DGKB: variants seen among roughly 807,000 people sequenced by gnomAD.
The protein encoded by DGKB is 90 kDa diacylglycerol kinase.
DGKB carries 67 observed loss-of-function variants against 114.3 expected under a neutral mutation model. The observed-to-expected ratio is 0.59, with a 90% confidence interval of 0.48 to 0.72. The LOEUF is 0.72. Among genes scored for constraint, DGKB ranks in the 30% least tolerant of loss-of-function variants. The probability of loss-of-function intolerance (pLI) is 0.00; values close to 1 mark genes in which losing one functional copy is unlikely to be tolerated. For missense variants in DGKB, 907 were observed against 975.2 expected, an observed-to-expected ratio of 0.93 and a Z score of 0.93; for synonymous variants, 398 against 323.1, an observed-to-expected ratio of 1.23 and a Z score of -2.49.
intron 2 of DGKB, among the ~76,000 whole-genome samples, chr7:14,767,905 C>T (rs1305945571): frequency 1.3e-5 from 2 of 151,936 alleles, no homozygotes; most frequent in African/African-American, 4.8e-5. Flanking sequence ...ACCAAACATT[C>T]TGGCAACAAT....
chr7:14,720,377 T>C (rs1457200047), intron 5 of DGKB, among the ~76,000 whole-genome samples: 1 of 152,064 alleles, frequency 6.6e-6, no homozygotes, highest in Non-Finnish European at 1.5e-5. Context: ...CGATCTTGGC[T>C]CACTGCAACC....
At chr7:14,901,605 A>AACCCCCCCCCCCCCCCCCCCCCCCCCCCC (rs1562855781) in intron 1 of DGKB, among the ~76,000 whole-genome samples, 2 of 123,094 alleles carry the variant, frequency 1.6e-5, no homozygotes, top group African/African-American at 6.1e-5. Context: ...AGGGATTTCC[A>AACCCCCCCCCCCCCCCCCCCCCCCCCCCC]CCCCCCCCCA....
chr7:14,704,011 T>C (rs1457589915), intron 6 of DGKB, among the ~76,000 whole-genome samples: 1 of 151,872 alleles, frequency 6.6e-6, no homozygotes, highest in Admixed American at 6.6e-5. Flanking sequence ...AATCGAAAAA[T>C]AGAATTCTTA....
chr7:14,552,858 CA>C (rs1795297548), intron 20 of DGKB, among the ~76,000 whole-genome samples: 2 of 152,136 alleles, frequency 1.3e-5, no homozygotes, highest in Non-Finnish European at 2.9e-5. Flanking sequence ...CTCAAAGCCA[CA>C]AGGACAAGAA....
intron 1 of DGKB, among the ~76,000 whole-genome samples, chr7:14,852,487 C>CAAAAAAAAACAAAACAAAACA (rs1554304221): frequency 9.4e-5 from 6 of 63,618 alleles, no homozygotes; most frequent in East Asian, 5.0e-4. Flanking sequence ...TAGTGAAAGT[C>CAAAAAAAAACAAAACAAAACA]AAAAAAAAAA....
At chr7:14,257,420 G>A (rs1377828650) in intron 23 of DGKB, among the ~76,000 whole-genome samples, 2 of 152,000 alleles carry the variant, frequency 1.3e-5, no homozygotes, top group African/African-American at 4.8e-5. Flanking sequence ...ATAAACCAAC[G>A]GACTATGATG....
chr7:14,302,996 C>T (rs1364288323), intron 23 of DGKB, among the ~76,000 whole-genome samples: 1 of 152,102 alleles, frequency 6.6e-6, no homozygotes, highest in Non-Finnish European at 1.5e-5. Context: ...GTAGGAGAAG[C>T]TTAGGATCTC....
intron 13 of DGKB, among the ~76,000 whole-genome samples, 173 bp downstream of exon 13, chr7:14,672,755 GA>G (rs2128948751): frequency 6.6e-6 from 1 of 152,140 alleles, no homozygotes; most frequent in South Asian, 2.1e-4. Context: ...TTGACAGAAG[GA>G]AAAAGGAAAT....
At chr7:14,654,408 A>G (rs1815336649) in intron 13 of DGKB, among the ~76,000 whole-genome samples, 1 of 152,068 alleles carries the variant, frequency 6.6e-6, no homozygotes, top group African/African-American at 2.4e-5. Context: ...AAATCAAAAG[A>G]CATGCCATGC....
intron 6 of DGKB, among the ~76,000 whole-genome samples, chr7:14,717,889 T>A (rs1828477756): frequency 1.3e-5 from 2 of 152,144 alleles, no homozygotes; most frequent in Non-Finnish European, 2.9e-5. Flanking sequence ...TATATTGCAA[T>A]GAGTATAGTT....
At position 14,957,264 on chromosome 7, in the gene DGKB, A is replaced by G. The variant is rs899307110; in HGVS notation, c.-188+17432T>C. Among the ~76,000 whole-genome samples, 6 of 152,000 alleles carry G rather than the reference A, an allele frequency of 3.9e-5. No homozygotes were observed. In the South Asian group the frequency reaches 6.2e-4, roughly 16 times the overall value. Reference sequence around the variant, plus strand: ...TTTGTTTAAAAAGACTACATTACTTATGGAGTTTTCTAGTGATACACCAAG... The same window carrying G: ...TTTGTTTAAAAAGACTACATTACTTGTGGAGTTTTCTAGTGATACACCAAG... On this transcript the variant is annotated intron_variant, in intron 1 of 4. Transcript: ENST00000437998.
At chr7:14,538,822 A>G (rs891030373) in intron 20 of DGKB, among the ~76,000 whole-genome samples, 3 of 152,172 alleles carry the variant, frequency 2.0e-5, no homozygotes, top group African/African-American at 7.2e-5. Context: ...AAATCCTAGC[A>G]TTTGTGACAA....
intron 20 of DGKB, among the ~76,000 whole-genome samples, chr7:14,504,121 C>T (rs1323770274): frequency 1.3e-5 from 2 of 152,284 alleles, no homozygotes; most frequent in African/African-American, 4.8e-5. Flanking sequence ...CCACAATACA[C>T]TATATCATAG....
At chr7:14,548,103 C>T (rs558340011) in intron 20 of DGKB, among the ~76,000 whole-genome samples, 1 of 152,224 alleles carries the variant, frequency 6.6e-6, no homozygotes, top group African/African-American at 2.4e-5. Context: ...TAATGATGGT[C>T]ATGTCCTTAA....
At chr7:14,942,706 T>G (rs1243380339) in intron 1 of DGKB, among the ~76,000 whole-genome samples, 1 of 152,008 alleles carries the variant, frequency 6.6e-6, no homozygotes, top group Non-Finnish European at 1.5e-5. Flanking sequence ...CTTTTCCACT[T>G]TGTCTTCTGG....
chr7:14,467,283 G>C (rs1364871693), intron 21 of DGKB, among the ~76,000 whole-genome samples: 2 of 149,842 alleles, frequency 1.3e-5, no homozygotes, highest in Admixed American at 6.7e-5. Context: ...TTTTCTAAAA[G>C]AAATTTTAAA....
chr7:14,482,401 C>A (rs967620632), intron 20 of DGKB, among the ~76,000 whole-genome samples: 2 of 151,846 alleles, frequency 1.3e-5, no homozygotes, highest in Admixed American at 1.3e-4. Context: ...TTGGGTTATG[C>A]ATTCATATAT....
At chr7:14,967,716 T>C (rs1205190362) in intron 1 of DGKB, among the ~76,000 whole-genome samples, 1 of 151,208 alleles carries the variant, frequency 6.6e-6, no homozygotes, top group African/African-American at 2.4e-5. Context: ...TTTTTTGGCC[T>C]AATTTTATAC....
intron 25 of DGKB, 104 bp downstream of exon 25, chr7:14,176,735 T>C (rs1781795387): frequency 1.3e-6 from 2 of 1,535,972 alleles, no homozygotes; most frequent in Non-Finnish European, 1.8e-6. Flanking sequence ...TATTTGCTGA[T>C]AGGTTGAAAA....
Sources: gnomAD v4.1 joint callset for allele counts (sites outside exome capture counted in the v4.1 genomes callset) on GRCh38, gnomAD v4.1.1 for gene constraint, MANE v1.5 for transcripts, NCBI Gene and HGNC (gene_info 2026-07-23, HGNC 2026-07-21) for gene names.